RADX: variants seen among roughly 807,000 people sequenced by gnomAD.
RADX encodes RPA1 related single stranded DNA binding protein, X-linked.
A neutral mutation model predicts 61.6 loss-of-function variants in RADX; 36 were observed. The ratio of observed to expected loss-of-function variants is 0.58; its 90% CI spans 0.45 to 0.77. The LOEUF (loss-of-function observed/expected upper bound fraction) is 0.77, where lower values mean the gene tolerates loss of function less well. Ranked by LOEUF, RADX falls within the 30% of genes least tolerant of loss-of-function variation. RADX has a pLI of 0.00. For missense variants in RADX, 497 were observed against 651.1 expected, an observed-to-expected ratio of 0.76 and a Z score of 2.58; for synonymous variants, 272 against 237.9, an observed-to-expected ratio of 1.14 and a Z score of -1.32.
At chrX:106,641,099 A>G (rs150591856) in intron 10 of RADX, among the ~76,000 whole-genome samples, 2,578 of 110,552 alleles carry the variant, frequency 0.023, 78 homozygotes, top group African/African-American at 0.078. Context: ...CACCTTTTTC[A>G]TAAGGATACC....
At chrX:106,654,837 T>C (rs1358554651) in intron 11 of RADX, among the ~76,000 whole-genome samples, 2 of 111,374 alleles carry the variant, frequency 1.8e-5, no homozygotes, top group South Asian at 7.5e-4. Context: ...TGGGAGAAAA[T>C]TTTTGCAATG....
At chrX:106,650,940 A>G (rs1156692122) in intron 11 of RADX, among the ~76,000 whole-genome samples, 1 of 111,526 alleles carries the variant, frequency 9.0e-6, no homozygotes, top group Non-Finnish European at 1.9e-5. Context: ...GTAAAATACA[A>G]GTTGAGAGAC....
At position 106,677,935 on chromosome X, in the gene RADX, T is replaced by G. The variant is rs770510160; in HGVS notation, c.2438-193T>G. Among the ~76,000 whole-genome samples, 3 of 111,233 alleles carry G rather than the reference T, an allele frequency of 2.7e-5. No individual in the cohort carries two copies. The South Asian group carries it at 1.2e-3, about 43-fold the overall frequency. ...GCCATGGCAGTTTTGGTGTATCTGTTTGATATGTTCACCTTTATCTGCAGA... is the reference window on the plus strand; with the variant it reads ...GCCATGGCAGTTTTGGTGTATCTGTGTGATATGTTCACCTTTATCTGCAGA... On this transcript the variant is annotated intron_variant, in intron 13 of 13. Coordinates refer to ENST00000372548, the MANE Select transcript of RADX (RefSeq NM_018015.6).
intron 3 of RADX, among the ~76,000 whole-genome samples, chrX:106,628,417 T>A (rs1927125428): frequency 9.0e-6 from 1 of 111,198 alleles, no homozygotes. Context: ...TGGGAGAAAG[T>A]GTTAAGCAGA....
intron 12 of RADX, among the ~76,000 whole-genome samples, chrX:106,663,140 T>C (rs779062815): frequency 5.4e-5 from 6 of 111,873 alleles, no homozygotes; most frequent in Non-Finnish European, 9.4e-5. Flanking sequence ...TCATGGATTT[T>C]TACATTTGTA....
Position 106,633,181 on chromosome X carries a change from C to T in RADX, c.1232C>T (p.Thr411Ile). ...CGCTGGATTCACATTGCTGACGGTA[C>T]TTCAGAACAACCATTTATAGTGGAA... The part of the protein sequence containing the change: ...SYRWIHIADG[T>I]SEQPFIVELF... The change falls in exon 6 of 14, where the codon ACT becomes ATT. Residue 411 changes from threonine (T) to isoleucine (I), a missense_variant. Physicochemically the swap from Thr to Ile is moderately conservative, Grantham distance 89 (BLOSUM62 -1). Coordinates refer to ENST00000372548, the MANE Select transcript of RADX (RefSeq NM_018015.6). 1 of 1,203,082 alleles carries T rather than the reference C, an allele frequency of 8.3e-7. No individual in the cohort carries two copies. The highest frequency in any genetic ancestry group is 1.8e-5 in the South Asian group (1 of 56,559).
intron 9 of RADX, among the ~76,000 whole-genome samples, chrX:106,640,070 A>G (rs191949865): frequency 1.7e-4 from 19 of 108,736 alleles, no homozygotes; most frequent in Non-Finnish European, 3.1e-4. Context: ...GGTGGTATCT[A>G]TGACTATATT....
chrX:106,614,515 G>A (rs1391582855), intron 1 of RADX, among the ~76,000 whole-genome samples: 1 of 112,105 alleles, frequency 8.9e-6, no homozygotes, highest in Non-Finnish European at 1.9e-5. Flanking sequence ...AAGCATTGCT[G>A]TTGAACGGCT....
chrX:106,655,374 G>A (rs979548364), intron 11 of RADX, among the ~76,000 whole-genome samples: 21 of 105,791 alleles, frequency 2.0e-4, no homozygotes, highest in Non-Finnish European at 3.3e-4. Context: ...TAAGTTCTAG[G>A]GTACATGTGC....
intron 10 of RADX, among the ~76,000 whole-genome samples, chrX:106,647,222 A>G (rs972278495): frequency 9.0e-6 from 1 of 111,205 alleles, no homozygotes; most frequent in Non-Finnish European, 1.9e-5. Flanking sequence ...AGCTCCCACA[A>G]ATAAGTGAGA....
At position 106,678,163 on chromosome X, in the gene RADX, G is replaced by A. The variant is rs759930057; in HGVS notation, c.2473G>A (p.Val825Met). ...AAAAGCAGCAACTGAACTGGATAGA[G>A]TGCATATCGTCGGTATCTTGGATAT... ...IIKAATELDR[V>M]HIVGILDICN... The change falls in exon 14 of 14, where the codon GTG (valine) becomes ATG (methionine). Residue 825 changes from valine to methionine, a missense_variant. By Grantham distance (21) the Val-to-Met change is conservative. Around this residue, in one of 3 missense-constraint regions of RADX, gnomAD observed 267 missense variants for 306.9 expected, o/e 0.87. Transcript: ENST00000372548. The A allele has an allele frequency of 6.8e-6, 8 of 1,179,940 alleles. No individual in the cohort carries two copies. Among genetic ancestry groups the A allele is most frequent in the South Asian group, 3.6e-5 (2 of 56,148 alleles).
Position 106,633,119 on chromosome X carries a change from T to C in RADX, c.1181-11T>C. ...GTTACCTTCATTTATTTTAATATTCTATCCATATAGAAAACCGTGAAGATT... is the reference window on the plus strand; with the variant it reads ...GTTACCTTCATTTATTTTAATATTCCATCCATATAGAAAACCGTGAAGATT... On this transcript the variant is annotated splice_polypyrimidine_tract_variant and intron_variant, in intron 5 of 13. Coordinates refer to ENST00000372548, the MANE Select transcript of RADX (RefSeq NM_018015.6). 3.3e-6 allele frequency: 4 copies of C among 1,196,080 alleles called. No individual in the cohort carries two copies. Among genetic ancestry groups the C allele is most frequent in the Non-Finnish European group, 4.5e-6 (4 of 882,225 alleles).
chrX:106,621,029 T>G (rs186090544), intron 1 of RADX, among the ~76,000 whole-genome samples: 1 of 112,193 alleles, frequency 8.9e-6, no homozygotes, highest in East Asian at 2.8e-4. Context: ...AGAACTCTGC[T>G]TTTACAAAAC....
chrX:106,626,622 A>C (rs1927079907), intron 3 of RADX, among the ~76,000 whole-genome samples: 1 of 112,310 alleles, frequency 8.9e-6, no homozygotes, highest in African/African-American at 3.2e-5. Context: ...GGTATGAGAA[A>C]TTATTTATGC....
intron 10 of RADX, among the ~76,000 whole-genome samples, chrX:106,647,827 C>T (rs12013340): frequency 0.11 from 11,907 of 110,436 alleles, 1,547 homozygotes; most frequent in African/African-American, 0.37. Flanking sequence ...TGTCATTTCT[C>T]ATAAAAATGT....
At chrX:106,658,834 A>T (rs777715148) in intron 11 of RADX, among the ~76,000 whole-genome samples, 1 of 111,734 alleles carries the variant, frequency 8.9e-6, no homozygotes, top group African/African-American at 3.3e-5. Flanking sequence ...GTTAACAGTA[A>T]CACAAGGCAT....
At chrX:106,631,273 A>G (rs765037388) in intron 3 of RADX, among the ~76,000 whole-genome samples, 1 of 112,291 alleles carries the variant, frequency 8.9e-6, no homozygotes, top group Non-Finnish European at 1.9e-5. Flanking sequence ...CAATAGAACA[A>G]TGGGCAAAAG....
At chrX:106,669,405 A>G (rs1167581038) in intron 13 of RADX, 75 bp downstream of exon 13, 1 of 689,574 alleles carries the variant, frequency 1.5e-6, no homozygotes, top group Non-Finnish European at 2.1e-6. Context: ...AGATTTTATT[A>G]TGTAAACAGT....
chrX:106,654,682 A>G (rs913590742), intron 11 of RADX, among the ~76,000 whole-genome samples: 3 of 111,962 alleles, frequency 2.7e-5, no homozygotes, highest in African/African-American at 3.2e-5. Flanking sequence ...ATCACTCAGG[A>G]CATAGGCATG....
Sources: gnomAD v4.1 joint callset for allele counts (sites outside exome capture counted in the v4.1 genomes callset) on GRCh38, gnomAD v4.1.1 for gene constraint, gnomAD v4.1.1 regional missense constraint, MANE v1.5 for transcripts, NCBI Gene and HGNC (gene_info 2026-07-23, HGNC 2026-07-21) for gene names.